The following ABTB3 variants were observed in gnomAD, a reference collection of about 807,000 sequenced individuals.
The protein encoded by ABTB3 is ankyrin repeat- and BTB/POZ domain-containing protein 3.
the ABTB3 span, among the ~76,000 whole-genome samples, chr12:107,328,408 G>A: frequency 1.3e-5 from 2 of 152,074 alleles, no homozygotes; most frequent in African/African-American, 2.4e-5. Flanking sequence ...TATTATTATC[G>A]ATAGTATCAT....
chr12:107,431,870 G>C, the ABTB3 span, among the ~76,000 whole-genome samples: 1 of 152,194 alleles, frequency 6.6e-6, no homozygotes, highest in Non-Finnish European at 1.5e-5. Context: ...TGTCTGTAAG[G>C]AACATCTGAG....
At chr12:107,528,958 G>C in the ABTB3 span, among the ~76,000 whole-genome samples, 3 of 150,666 alleles carry the variant, frequency 2.0e-5, no homozygotes, top group East Asian at 6.0e-4. Context: ...GGTAGTGATG[G>C]TGATGGTGAC....
chr12:107,375,149 G>A, the ABTB3 span, among the ~76,000 whole-genome samples: 1 of 152,176 alleles, frequency 6.6e-6, no homozygotes, highest in African/African-American at 2.4e-5. Flanking sequence ...GGGTGCCGTG[G>A]CTCACGTCTG....
At chr12:107,476,487 C>T in the ABTB3 span, among the ~76,000 whole-genome samples, 2 of 152,006 alleles carry the variant, frequency 1.3e-5, no homozygotes, top group African/African-American at 2.4e-5. Flanking sequence ...CCAAGGGTCT[C>T]GGTTTTGCCA....
chr12:107,377,545 G>A, the ABTB3 span, among the ~76,000 whole-genome samples: 6 of 151,954 alleles, frequency 3.9e-5, no homozygotes, highest in Non-Finnish European at 8.8e-5. Flanking sequence ...GATCCCTGTG[G>A]GTCTTAGAGG....
At chr12:107,517,916 A>G in the ABTB3 span, among the ~76,000 whole-genome samples, 1 of 152,244 alleles carries the variant, frequency 6.6e-6, no homozygotes, top group Non-Finnish European at 1.5e-5. Flanking sequence ...ACAAATTTAC[A>G]AGAAAAAAAC....
chr12:107,441,446 A>G, the ABTB3 span, among the ~76,000 whole-genome samples: 4 of 152,050 alleles, frequency 2.6e-5, no homozygotes, highest in African/African-American at 9.7e-5. Flanking sequence ...ATCAACACAT[A>G]CTGGGGCCTA....
At chr12:107,598,880 C>T in the ABTB3 span, among the ~76,000 whole-genome samples, 1 of 152,186 alleles carries the variant, frequency 6.6e-6, no homozygotes, top group African/African-American at 2.4e-5. Flanking sequence ...TATCTGGGCC[C>T]TTATCCTGTC....
chr12:107,321,606 C>T, the ABTB3 span, among the ~76,000 whole-genome samples: 1 of 63,874 alleles, frequency 1.6e-5, no homozygotes, highest in Non-Finnish European at 2.7e-5. Context: ...TTCGAGGCCA[C>T]ACACACACAC....
At chr12:107,628,059 C>T in the ABTB3 span, among the ~76,000 whole-genome samples, 1 of 152,182 alleles carries the variant, frequency 6.6e-6, no homozygotes, top group Non-Finnish European at 1.5e-5. Flanking sequence ...CCACCTGCCT[C>T]CACCTTTCCA....
chr12:107,584,115 A>G, the ABTB3 span, among the ~76,000 whole-genome samples: 1 of 152,130 alleles, frequency 6.6e-6, no homozygotes, highest in African/African-American at 2.4e-5. Flanking sequence ...TAGTCAACAT[A>G]CAGATACATC....
At chr12:107,432,970 A>G in the ABTB3 span, among the ~76,000 whole-genome samples, 1 of 152,158 alleles carries the variant, frequency 6.6e-6, no homozygotes, top group East Asian at 1.9e-4. Flanking sequence ...TCTTCACGGC[A>G]GGGCAGGGTT....
At chr12:107,412,003 A>T in the ABTB3 span, among the ~76,000 whole-genome samples, 44 of 152,304 alleles carry the variant, frequency 2.9e-4, no homozygotes, top group Middle Eastern at 6.8e-3. Context: ...TGCTACAAGG[A>T]TGCCAGGGCC....
chr12:107,389,553 C>A, the ABTB3 span, among the ~76,000 whole-genome samples: 1 of 152,168 alleles, frequency 6.6e-6, no homozygotes, highest in Non-Finnish European at 1.5e-5. Flanking sequence ...GATTTGGCCT[C>A]CTCCAACACT....
the ABTB3 span, among the ~76,000 whole-genome samples, chr12:107,513,118 A>G: frequency 6.6e-6 from 1 of 152,362 alleles, no homozygotes; most frequent in East Asian, 1.9e-4. Context: ...TTAAACATGT[A>G]AAATGCTAAG....
At chr12:107,462,056 T>A in the ABTB3 span, among the ~76,000 whole-genome samples, 1 of 152,134 alleles carries the variant, frequency 6.6e-6, no homozygotes, top group African/African-American at 2.4e-5. Flanking sequence ...TCCTTTGGGG[T>A]CCCTGGGGAG....
chr12:107,500,912 A>G, the ABTB3 span, among the ~76,000 whole-genome samples: 5 of 152,282 alleles, frequency 3.3e-5, no homozygotes, highest in Admixed American at 6.5e-5. Flanking sequence ...ACTTTTTAAC[A>G]TGCCTTATGA....
the ABTB3 span, among the ~76,000 whole-genome samples, chr12:107,631,434 G>T: frequency 1.3e-5 from 2 of 152,152 alleles, no homozygotes; most frequent in South Asian, 2.1e-4. Flanking sequence ...AGGGTCTTTT[G>T]GGTAGAGTGA....
chr12:107,436,287 C>T, the ABTB3 span, among the ~76,000 whole-genome samples: 421 of 152,280 alleles, frequency 2.8e-3, 3 homozygotes, highest in Non-Finnish European at 4.8e-3. Flanking sequence ...CCATCCCGGT[C>T]GCATGCAGCT....
Sources: gnomAD v4.1 joint callset for allele counts (sites outside exome capture counted in the v4.1 genomes callset) on GRCh38, gnomAD v4.1.1 for gene constraint, MANE v1.5 for transcripts, NCBI Gene and HGNC (gene_info 2026-07-23, HGNC 2026-07-21) for gene names.